RFTN1: variants seen among roughly 807,000 people sequenced by gnomAD.
RFTN1 encodes raftlin.
In RFTN1, 26 loss-of-function variants were observed where a neutral mutation model predicts 46.5. The ratio of observed to expected loss-of-function variants is 0.56; its 90% CI spans 0.41 to 0.78. The LOEUF (loss-of-function observed/expected upper bound fraction) is 0.78, where lower values mean the gene tolerates loss of function less well. Among genes scored for constraint, RFTN1 ranks in the 30% least tolerant of loss-of-function variants. The pLI is 0.00. For synonymous variants in RFTN1, 261 were observed against 284.2 expected (o/e 0.92, Z 0.82); for missense variants, 693 against 718.7 (o/e 0.96, Z 0.41).
chr3:16,472,118 G>A (rs2076207211), intron 2 of RFTN1: 1 of 147,140 alleles, frequency 6.8e-6, no homozygotes, highest in Non-Finnish European at 1.5e-5. Context: ...AAGAAGTTAA[G>A]CTGTTAAAAA....
intron 7 of RFTN1, among the ~76,000 whole-genome samples, chr3:16,357,122 A>C (rs1288980372): frequency 3.7e-5 from 3 of 81,672 alleles, no homozygotes; most frequent in African/African-American, 1.2e-4. Flanking sequence ...CTCAAAAAAA[A>C]AAAAAACAAA....
rs1206004781 is a variant in RFTN1 at position 16,480,902 on chromosome 3, G to A, written c.145+12823C>T. Among the ~76,000 whole-genome samples the A allele has an allele frequency of 1.3e-5, 2 of 152,058 alleles. No homozygotes were observed. The highest frequency in any genetic ancestry group is 1.3e-4 in the Admixed American group (2 of 15,278). On this transcript the variant is annotated intron_variant, in intron 2 of 9. Transcript: ENST00000334133. This position sits in a 1 kb window ranked among gnomAD's most constrained non-coding sequence, Gnocchi z 4.3. ...TTTGGTTTTGCTTTGACAGATAACAGTCATCAGCAAGGAATTTCATTTTAC... is the reference window on the plus strand; with the variant it reads ...TTTGGTTTTGCTTTGACAGATAACAATCATCAGCAAGGAATTTCATTTTAC...
chr3:16,349,792 T>C (rs942813326), intron 7 of RFTN1: 1 of 152,264 alleles, frequency 6.6e-6, no homozygotes, highest in African/African-American at 2.4e-5. Context: ...ATCTTGTATC[T>C]AGAAAGATTC....
chr3:16,338,689 T>C lies in RFTN1; in HGVS notation c.1147-11813A>G, dbSNP rs554151794. Among the ~76,000 whole-genome samples, 1 of 152,380 alleles carries C rather than the reference T, an allele frequency of 6.6e-6. No homozygotes were observed. The highest frequency in any genetic ancestry group is 2.1e-4 in the South Asian group (1 of 4,824). On this transcript the variant is annotated intron_variant, in intron 7 of 9. Coordinates refer to ENST00000334133, the MANE Select transcript of RFTN1 (RefSeq NM_015150.2). This position sits in a 1 kb window ranked among gnomAD's most constrained non-coding sequence, Gnocchi z 5.3. ...AATGGGACTTGCTACTTTATTACTC[T>C]CTTTAGACTATCAGAGATGAATGAG...
Position 16,481,565 on chromosome 3 carries a change from G to A in RFTN1, c.145+12160C>T, listed in dbSNP as rs1575352971. On this transcript the variant is annotated intron_variant, in intron 2 of 9. Transcript: ENST00000334133. This position sits in a 1 kb window ranked among gnomAD's most constrained non-coding sequence, Gnocchi z 5.1. ...CGGAAACAAAAATGAAACACAAGTA[G>A]GAAGTTAAATAACTTCACTGCATCC... Among the ~76,000 whole-genome samples, 1 of 152,022 alleles carries A rather than the reference G, an allele frequency of 6.6e-6. No individual in the cohort carries two copies. Among genetic ancestry groups the A allele is most frequent in the East Asian group, 1.9e-4 (1 of 5,182 alleles).
intron 4 of RFTN1, among the ~76,000 whole-genome samples, 156 bp downstream of exon 4, chr3:16,409,219 A>C (rs769639570): frequency 2.6e-5 from 4 of 152,150 alleles, no homozygotes; most frequent in Non-Finnish European, 4.4e-5. Flanking sequence ...TCAGCTCTGG[A>C]GGGGGCTGCT....
chr3:16,459,308 A>T lies in RFTN1; in HGVS notation c.146-25271T>A, dbSNP rs1018121559. On this transcript the variant is annotated intron_variant, in intron 2 of 9. Transcript: ENST00000334133. This position sits in a 1 kb window ranked among gnomAD's most constrained non-coding sequence, Gnocchi z 4.2. ...GTAATATCCACAATGTGTAACAGAC[A>T]CCTAAACTCTTACATGAAGAGTTAT... Among the ~76,000 whole-genome samples the T allele has an allele frequency of 6.6e-6, 1 of 152,184 alleles. No individual in the cohort carries two copies. Among genetic ancestry groups the T allele is most frequent in the Non-Finnish European group, 1.5e-5 (1 of 68,030 alleles).
Position 16,382,349 on chromosome 3 carries a change from C to G in RFTN1, c.442-4247G>C, listed in dbSNP as rs2074020581. ...GTCTTACCCTAGTATAGACACTTTC[C>G]TCTTTTTCAGAAAGTCATTTGACCG... On this transcript the variant is annotated intron_variant, in intron 4 of 9. Coordinates refer to ENST00000334133, the MANE Select transcript of RFTN1 (RefSeq NM_015150.2). This position sits in a 1 kb window ranked among gnomAD's most constrained non-coding sequence, Gnocchi z 4.7. 6.6e-6 allele frequency among the ~76,000 whole-genome samples: 1 copy of G among 152,210 alleles called. No individual in the cohort carries two copies. The highest frequency in any genetic ancestry group is 2.4e-5 in the African/African-American group (1 of 41,432).
At chr3:16,437,591 G>T (rs552696335) in intron 2 of RFTN1, among the ~76,000 whole-genome samples, 8 of 152,052 alleles carry the variant, frequency 5.3e-5, no homozygotes, top group Admixed American at 2.6e-4. Context: ...GCCCAGAGAG[G>T]TCAAGGATGC....
intron 3 of RFTN1, among the ~76,000 whole-genome samples, chr3:16,417,751 C>T (rs147257897): frequency 1.3e-5 from 2 of 152,218 alleles, no homozygotes; most frequent in Non-Finnish European, 2.9e-5. Context: ...AACCAAAGCA[C>T]ATAATCTAGA....
At chr3:16,357,444 C>T (rs2072527976) in intron 7 of RFTN1, among the ~76,000 whole-genome samples, 2 of 152,198 alleles carry the variant, frequency 1.3e-5, no homozygotes, top group Non-Finnish European at 2.9e-5. Flanking sequence ...GACCTAACCT[C>T]TCTGTGCCTC....
intron 2 of RFTN1, among the ~76,000 whole-genome samples, chr3:16,490,029 TTAGAACTCCTG>T (rs1446609276): frequency 6.6e-6 from 1 of 152,164 alleles, no homozygotes; most frequent in Non-Finnish European, 1.5e-5. Context: ...AATAATCTCA[TTAGAACTCCTG>T]GGAGAAAAAC....
chr3:16,406,642 A>T (rs2074864533), intron 4 of RFTN1, among the ~76,000 whole-genome samples: 1 of 152,194 alleles, frequency 6.6e-6, no homozygotes, highest in Admixed American at 6.5e-5. Flanking sequence ...AAACGTTAAG[A>T]ACAGAATTCT....
intron 1 of RFTN1, among the ~76,000 whole-genome samples, chr3:16,502,956 T>C (rs2076737659): frequency 6.6e-6 from 1 of 152,240 alleles, no homozygotes; most frequent in Non-Finnish European, 1.5e-5. Flanking sequence ...CTTGCTCCTA[T>C]ATGAGAAGTG....
intron 4 of RFTN1, among the ~76,000 whole-genome samples, chr3:16,405,413 A>C (rs2074829230): frequency 6.6e-6 from 1 of 152,210 alleles, no homozygotes; most frequent in Non-Finnish European, 1.5e-5. Context: ...ACAGCAGGAC[A>C]CAACAGGAGA....
rs77194421 is a variant in RFTN1 at position 16,370,127 on chromosome 3, G to A, written c.979C>T (p.Arg327Trp). The part of the protein sequence containing the change: ...NWLEHMSDHF[R>W]KGGMLVNAVF... Reference sequence around the variant, plus strand: ...GCGTTCACCAGCATGCCTCCTTTCCGGAAGTGGTCGCTCATGTGCTCTAAC... The same window carrying A: ...GCGTTCACCAGCATGCCTCCTTTCCAGAAGTGGTCGCTCATGTGCTCTAAC... Residue 327 changes from arginine to tryptophan, a missense_variant, in exon 6 of 10, where the codon CGG becomes TGG. By Grantham distance (101) the Arg-to-Trp change is moderately radical. Transcript: ENST00000334133. The surrounding 1 kb of genome is among the most constrained non-coding windows in gnomAD (Gnocchi z 5.5). 43 of 1,614,220 alleles carry A rather than the reference G, an allele frequency of 2.7e-5. No individual in the cohort carries two copies. The East Asian group carries it at 2.9e-4, about 11-fold the overall frequency.
In RFTN1 at chr3:16,367,547, A is replaced by G. The variant is rs982988416; in HGVS notation, c.1030+2529T>C. On this transcript the variant is annotated intron_variant, in intron 6 of 9. Transcript: ENST00000334133. ...GCGCTCTAAGATACGGGCTGCATACAGGAAGATGCCTGGGCCCTGTGGAGG... is the reference window on the plus strand; with the variant it reads ...GCGCTCTAAGATACGGGCTGCATACGGGAAGATGCCTGGGCCCTGTGGAGG... Among the ~76,000 whole-genome samples the G allele has an allele frequency of 2.0e-5, 3 of 152,328 alleles. No individual in the cohort carries two copies. The South Asian group carries it at 6.2e-4, about 32-fold the overall frequency.
chr3:16,397,085 A>G (rs911973610), intron 4 of RFTN1, among the ~76,000 whole-genome samples: 111 of 149,990 alleles, frequency 7.4e-4, no homozygotes, highest in Middle Eastern at 3.4e-3. Context: ...AAAAAAAAAA[A>G]AGAGAGAGAG....
intron 2 of RFTN1, among the ~76,000 whole-genome samples, chr3:16,490,612 T>C (rs981163256): frequency 8.5e-5 from 13 of 152,228 alleles, no homozygotes; most frequent in African/African-American, 3.1e-4. Context: ...CTGGGCAATT[T>C]ATCAAGAGTG....
Sources: allele counts gnomAD v4.1 joint callset (sites outside exome capture counted in the v4.1 genomes callset), GRCh38; gene constraint gnomAD v4.1.1; non-coding constraint Gnocchi (gnomAD v3.1); transcripts MANE v1.5; gene names NCBI Gene and HGNC (gene_info 2026-07-23, HGNC 2026-07-21).